IPO11: variants seen among roughly 807,000 people sequenced by gnomAD.
IPO11 encodes importin 11.
A neutral mutation model predicts 143.2 loss-of-function variants in IPO11; 66 were observed. The observed-to-expected ratio is 0.46, with a 90% CI of 0.38 to 0.57. IPO11 has a LOEUF of 0.57. IPO11 is among the 20% of genes least tolerant of loss of function. The pLI is 0.00. For synonymous variants in IPO11, 385 were observed against 377.8 expected, an observed-to-expected ratio of 1.02 and a Z score of -0.22; for missense variants, 1,026 against 1,141.0, an observed-to-expected ratio of 0.90 and a Z score of 1.45.
intron 4 of IPO11, among the ~76,000 whole-genome samples, chr5:62,450,800 T>G (rs1029866582): frequency 6.6e-6 from 1 of 152,128 alleles, no homozygotes; most frequent in Non-Finnish European, 1.5e-5. Context: ...TATATTGAGG[T>G]CTTCTAAGAA....
At chr5:62,617,244 C>T (rs555384504) in intron 29 of IPO11, among the ~76,000 whole-genome samples, 13 of 152,214 alleles carry the variant, frequency 8.5e-5, no homozygotes, top group South Asian at 2.1e-4. Context: ...TCAGAAAACT[C>T]GGCATATCCA....
chr5:62,528,859 T>C (rs1486441799), intron 21 of IPO11, among the ~76,000 whole-genome samples: 3 of 152,160 alleles, frequency 2.0e-5, no homozygotes, highest in African/African-American at 7.2e-5. Flanking sequence ...CACCAGTTGA[T>C]GCTTGGGGTC....
chr5:62,429,422 T>G (rs1489358464), intron 1 of IPO11, among the ~76,000 whole-genome samples: 1 of 152,166 alleles, frequency 6.6e-6, no homozygotes, highest in African/African-American at 2.4e-5. Context: ...TAATTTAATT[T>G]AATTTTCGTT....
rs947171878 is a variant in IPO11, at chr5:62,435,435, A to T, written c.-6-1839A>T. Reference sequence around the variant, plus strand: ...GAGACCTTGTCTCTACAAAAAATAAAAAATAAAAAAAAATTAGCTGGGCCC... The same window carrying T: ...GAGACCTTGTCTCTACAAAAAATAATAAATAAAAAAAAATTAGCTGGGCCC... On this transcript the variant is annotated intron_variant, in intron 1 of 29. Coordinates refer to ENST00000325324, the MANE Select transcript of IPO11 (RefSeq NM_016338.5). Among the ~76,000 whole-genome samples, 6 of 150,700 alleles carry T rather than the reference A, an allele frequency of 4.0e-5. No individual in the cohort carries two copies. In the East Asian group the frequency reaches 5.9e-4, roughly 15 times the overall value.
At chr5:62,413,649 C>T (rs953896974) in intron 1 of IPO11, among the ~76,000 whole-genome samples, 9 of 152,174 alleles carry the variant, frequency 5.9e-5, no homozygotes, top group Admixed American at 1.3e-4. Flanking sequence ...GCCAAGGTTG[C>T]AGTTGACATA....
chr5:62,498,888 T>G (rs1389871347), intron 16 of IPO11, among the ~76,000 whole-genome samples: 3 of 152,218 alleles, frequency 2.0e-5, no homozygotes, highest in Non-Finnish European at 4.4e-5. Flanking sequence ...AAAGAAATTT[T>G]TAGAAAGTTT....
In IPO11 at chr5:62,553,323, A is replaced by AGTGTGTGTGT. The variant is rs3077458; in HGVS notation, c.2460+2019_2460+2028dup. ...TTTGAGGTCGAATAGTATTCGTGTG[A>AGTGTGTGTGT]GTGTGTGTGTGTGTGTGTGTGTGTG... On this transcript the variant is annotated intron_variant, in intron 26 of 29. Coordinates refer to ENST00000325324, the MANE Select transcript of IPO11 (RefSeq NM_016338.5). Among the ~76,000 whole-genome samples, 893 of 119,220 alleles carry AGTGTGTGTGT rather than the reference A, an allele frequency of 7.5e-3. 11 individuals are homozygous for AGTGTGTGTGT. The highest frequency in any genetic ancestry group is 0.024 in the African/African-American group (760 of 32,018). The allele number at this position is 119,220 out of a possible 152,430, so 78.2% of individuals were successfully genotyped here. A position where few individuals can be genotyped will look rare whatever the true frequency, so the allele number is the denominator to read the frequency against.
At chr5:62,485,325 A>G in intron 11 of IPO11, 94 bp from the exon 12 acceptor site, 1 of 976,036 alleles carries the variant, frequency 1.0e-6, no homozygotes, top group Non-Finnish European at 1.6e-6. Flanking sequence ...TATGTTTAAA[A>G]GAGTTCACAA....
chr5:62,621,348 T>G (rs1746363217), intron 29 of IPO11, among the ~76,000 whole-genome samples: 2 of 152,112 alleles, frequency 1.3e-5, no homozygotes, highest in African/African-American at 4.8e-5. Context: ...GGAAAAAAAC[T>G]CAGCAAAGTG....
chr5:62,433,637 C>T (rs962198873), intron 1 of IPO11, among the ~76,000 whole-genome samples: 31 of 152,134 alleles, frequency 2.0e-4, no homozygotes, highest in Admixed American at 1.5e-3. Context: ...AGCTCTTCCC[C>T]GCCAGACTGG....
At chr5:62,576,660 G>A (rs1744323248) in intron 27 of IPO11, among the ~76,000 whole-genome samples, 1 of 149,808 alleles carries the variant, frequency 6.7e-6, no homozygotes, top group Admixed American at 6.6e-5. Flanking sequence ...GCATGCACCT[G>A]CAGTCCTAGC....
At chr5:62,445,922 A>G (rs574823386) in intron 3 of IPO11, among the ~76,000 whole-genome samples, 26 of 152,268 alleles carry the variant, frequency 1.7e-4, no homozygotes, top group African/African-American at 5.8e-4. Flanking sequence ...GAGTTATGCA[A>G]ACTGCTAAAC....
At chr5:62,425,320 T>G (rs1743691319) in intron 1 of IPO11, among the ~76,000 whole-genome samples, 1 of 152,178 alleles carries the variant, frequency 6.6e-6, no homozygotes, top group African/African-American at 2.4e-5. Context: ...TCAATTTATT[T>G]TATTTTATTT....
chr5:62,449,254 C>G (rs1357961034), intron 3 of IPO11, among the ~76,000 whole-genome samples: 6 of 152,214 alleles, frequency 3.9e-5, no homozygotes, highest in Non-Finnish European at 8.8e-5. Context: ...TGTATACAGT[C>G]TTATACAGTA....
chr5:62,543,447 T>G, intron 24 of IPO11, among the ~76,000 whole-genome samples: 1 of 152,238 alleles, frequency 6.6e-6, no homozygotes, highest in East Asian at 1.9e-4. Context: ...TATCCATTTC[T>G]TCTAGATTTT....
intron 29 of IPO11, among the ~76,000 whole-genome samples, chr5:62,605,167 A>G (rs1745659083): frequency 1.3e-5 from 2 of 152,210 alleles, no homozygotes; most frequent in Non-Finnish European, 2.9e-5. Context: ...AGGTCACATA[A>G]ATGAAAATTT....
intron 19 of IPO11, among the ~76,000 whole-genome samples, chr5:62,513,811 C>T (rs1052542209): frequency 2.7e-5 from 4 of 150,006 alleles, no homozygotes; most frequent in Admixed American, 2.6e-4. Context: ...GGCAGCCAGG[C>T]GGAGGGGCTC....
chr5:62,485,844 G>A (rs1351794879), intron 12 of IPO11, among the ~76,000 whole-genome samples: 4 of 137,076 alleles, frequency 2.9e-5, no homozygotes, highest in Non-Finnish European at 3.1e-5. Flanking sequence ...AGCAAAACCC[G>A]TCTCTTAAAA....
intron 3 of IPO11, among the ~76,000 whole-genome samples, chr5:62,447,277 A>AT (rs1222698746): frequency 6.6e-6 from 1 of 151,472 alleles, no homozygotes; most frequent in East Asian, 1.9e-4. Flanking sequence ...TAATTTTTAA[A>AT]TTTTTTTTGT....
Sources: gnomAD v4.1 joint callset for allele counts (sites outside exome capture counted in the v4.1 genomes callset) on GRCh38, gnomAD v4.1.1 for gene constraint, MANE v1.5 for transcripts, NCBI Gene and HGNC (gene_info 2026-07-23, HGNC 2026-07-21) for gene names.